Variants in PLSCR2 observed in about 807,000 individuals in gnomAD.
The protein encoded by PLSCR2 is PL scramblase 2.
In PLSCR2, 18 loss-of-function variants were observed where a neutral mutation model predicts 25.3. That is an observed-to-expected ratio of 0.71 (90% CI 0.49 to 1.06). The LOEUF is 1.06. Among genes scored for constraint, PLSCR2 ranks in the 50% least tolerant of loss-of-function variants. PLSCR2 has a pLI of 0.00. For synonymous variants in PLSCR2, 88 were observed against 87.3 expected (o/e 1.01, Z -0.04); for missense variants, 243 against 269.5 (o/e 0.90, Z 0.69).
intron 3 of PLSCR2, among the ~76,000 whole-genome samples, chr3:146,393,194 A>G (rs1291453040): frequency 1.9e-5 from 2 of 106,720 alleles, no homozygotes; most frequent in South Asian, 9.9e-4. Context: ...ACGCCCAACT[A>G]ATTTTTTGTA....
intron 2 of PLSCR2, among the ~76,000 whole-genome samples, 153 bp from the exon 3 acceptor site, chr3:146,458,606 AAAGTT>A (rs1414516948): frequency 7.9e-5 from 12 of 152,122 alleles, no homozygotes; most frequent in African/African-American, 2.4e-4. Context: ...TTGTAAAACT[AAAGTT>A]AACATATTTT....
At chr3:146,466,146 T>C (rs562831622) in intron 1 of PLSCR2, among the ~76,000 whole-genome samples, 2 of 152,340 alleles carry the variant, frequency 1.3e-5, no homozygotes, top group South Asian at 2.1e-4. Flanking sequence ...CAATGTAAGA[T>C]AGGCTTTTAC....
At chr3:146,495,746 A>T in intron 1 of PLSCR2, 1 of 583,546 alleles carries the variant, frequency 1.7e-6, no homozygotes, top group Admixed American at 3.2e-5. Context: ...AGCAGTTCAC[A>T]CTGTTTAAGA....
At chr3:146,421,212 A>T (rs2039138774) in intron 2 of PLSCR2, among the ~76,000 whole-genome samples, 1 of 152,032 alleles carries the variant, frequency 6.6e-6, no homozygotes, top group South Asian at 2.1e-4. Context: ...TATGTTGTTT[A>T]TTTCTGTGTC....
chr3:146,403,741 G>A (rs150985250), intron 2 of PLSCR2, among the ~76,000 whole-genome samples: 111 of 152,070 alleles, frequency 7.3e-4, no homozygotes, highest in African/African-American at 2.3e-3. Context: ...TTAAAAACCC[G>A]ATTTATTTCT....
chr3:146,441,743 T>C, downstream of PLSCR2: 2 of 1,377,212 alleles, frequency 1.5e-6, no homozygotes, highest in East Asian at 4.7e-5. Flanking sequence ...CTTCAAATTT[T>C]CTGAGGAGAC....
rs1375077718 is a variant in PLSCR2 at position 146,481,170 on chromosome 3, C to T, written c.-293+14725G>A. Among the ~76,000 whole-genome samples, 3 of 152,132 alleles carry T rather than the reference C, an allele frequency of 2.0e-5. No homozygotes were observed. The East Asian group carries it at 5.8e-4, about 29-fold the overall frequency. ...TGGGAGCATTCCCTTTGAAAACTGG[C>T]ACAAGACAATGATGCCCTCTCTCAC... On this transcript the variant is annotated intron_variant, in intron 1 of 8. Transcript: ENST00000336685.
At chr3:146,414,575 G>A (rs927412420) in intron 2 of PLSCR2, among the ~76,000 whole-genome samples, 8 of 148,598 alleles carry the variant, frequency 5.4e-5, no homozygotes, top group East Asian at 2.0e-4. Context: ...AATCGCTAAC[G>A]CATAAGAAAG....
At chr3:146,409,445 G>A (rs562047468) in intron 2 of PLSCR2, among the ~76,000 whole-genome samples, 1 of 152,222 alleles carries the variant, frequency 6.6e-6, no homozygotes, top group East Asian at 1.9e-4. Flanking sequence ...TTTGGAGGTA[G>A]AATTATGAAT....
chr3:146,477,374 G>A (rs775917951), intron 1 of PLSCR2, among the ~76,000 whole-genome samples: 6 of 152,182 alleles, frequency 3.9e-5, no homozygotes, highest in African/African-American at 9.7e-5. Context: ...AAGGGACACC[G>A]TGGCCCAAAT....
At chr3:146,495,936 C>T (rs1280616113), upstream of PLSCR2, 5 of 1,534,630 alleles carry the variant, frequency 3.3e-6, no homozygotes, top group Admixed American at 9.8e-5. Context: ...CCATTCGGCC[C>T]ACAATCCAGA....
chr3:146,474,576 C>T (rs1342941424), intron 1 of PLSCR2, among the ~76,000 whole-genome samples: 3 of 152,078 alleles, frequency 2.0e-5, no homozygotes, highest in South Asian at 2.1e-4. Flanking sequence ...GTTTTTCCTT[C>T]GTTTCAGCCT....
At chr3:146,443,027 G>C (rs1421005808) in intron 6 of PLSCR2, among the ~76,000 whole-genome samples, 1 of 152,018 alleles carries the variant, frequency 6.6e-6, no homozygotes, top group Non-Finnish European at 1.5e-5. Context: ...ACAGCCCATG[G>C]ATTGGGGGAA....
intron 1 of PLSCR2, among the ~76,000 whole-genome samples, chr3:146,475,775 ATTT>A (rs1432902172): frequency 2.6e-4 from 40 of 152,144 alleles, no homozygotes; most frequent in Non-Finnish European, 5.9e-5. Flanking sequence ...CCAATAGATG[ATTT>A]ACGGTATTGG....
At chr3:146,486,273 C>G (rs996137908) in intron 1 of PLSCR2, among the ~76,000 whole-genome samples, 2 of 151,212 alleles carry the variant, frequency 1.3e-5, no homozygotes, top group African/African-American at 4.9e-5. Context: ...GAAGCAAGAA[C>G]AAATAAATCT....
Position 146,465,587 on chromosome 3 carries a change from A to AT in PLSCR2, c.-292-5304_-292-5303insA, listed in dbSNP as rs1400691709. Among the ~76,000 whole-genome samples, 861 of 151,968 alleles carry AT rather than the reference A, an allele frequency of 5.7e-3. 9 individuals are homozygous for AT. The highest frequency in any genetic ancestry group is 0.02 in the African/African-American group (821 of 41,420). The stretch of plus-strand genomic sequence containing the variant: ...TCACCCTCCACAAAAAAAAAAAAAA[A>AT]ATCACAATATAAAACAGTTCATATT... On this transcript the variant is annotated intron_variant, in intron 1 of 8. Transcript: ENST00000336685.
chr3:146,492,010 T>A (rs1326737404), intron 1 of PLSCR2, among the ~76,000 whole-genome samples: 1 of 152,164 alleles, frequency 6.6e-6, no homozygotes, highest in Admixed American at 6.5e-5. Context: ...GGTCTTTGTG[T>A]TTTTGTATCC....
intron 6 of PLSCR2, among the ~76,000 whole-genome samples, chr3:146,445,963 A>G (rs1193165985): frequency 6.6e-6 from 1 of 152,106 alleles, no homozygotes; most frequent in Non-Finnish European, 1.5e-5. Flanking sequence ...CATCAATTGC[A>G]TTATTCAACT....
chr3:146,482,505 G>T (rs2043166790), intron 1 of PLSCR2, among the ~76,000 whole-genome samples: 1 of 152,164 alleles, frequency 6.6e-6, no homozygotes, highest in Non-Finnish European at 1.5e-5. Flanking sequence ...TCAGAGAAAT[G>T]CAAATCAAAA....
Sources: gnomAD v4.1 joint callset for allele counts (sites outside exome capture counted in the v4.1 genomes callset) on GRCh38, gnomAD v4.1.1 for gene constraint, MANE v1.5 for transcripts, NCBI Gene and HGNC (gene_info 2026-07-23, HGNC 2026-07-21) for gene names.